Variants in MAP3K20 observed in about 807,000 individuals in gnomAD.
MAP3K20 encodes HCCS-4.
In MAP3K20, 40 loss-of-function variants were observed where a neutral mutation model predicts 85.7. That is an observed-to-expected ratio of 0.47 (90% CI 0.36 to 0.61). The LOEUF (loss-of-function observed/expected upper bound fraction) is 0.61, where lower values mean the gene tolerates loss of function less well. Among genes scored for constraint, MAP3K20 ranks in the 20% least tolerant of loss-of-function variants. MAP3K20 has a pLI of 0.00. For synonymous variants in MAP3K20, 325 were observed against 327.7 expected (o/e 0.99, Z 0.09); for missense variants, 817 against 961.7 (o/e 0.85, Z 1.99).
At chr2:173,130,285 G>A (rs1380330442) in intron 2 of MAP3K20, among the ~76,000 whole-genome samples, 2 of 152,058 alleles carry the variant, frequency 1.3e-5, no homozygotes, top group Non-Finnish European at 2.9e-5. Context: ...CAATTGTCTA[G>A]ACCCATATTT....
Position 173,258,681 on chromosome 2 carries a change from TTTTG to T in MAP3K20, c.1360-14_1360-11del, listed in dbSNP as rs780571603. ...TGTTTCACTTTCTCAAATTCTGTAA[TTTTG>T]TTTTTAATTCCAGGATTGTAAGTGG... On this transcript the variant is annotated splice_polypyrimidine_tract_variant and intron_variant, in intron 16 of 19. Transcript: ENST00000375213. 20 of 1,326,860 alleles carry T rather than the reference TTTTG, an allele frequency of 1.5e-5. No individual in the cohort carries two copies. The highest frequency in any genetic ancestry group is 7.3e-5 in the East Asian group (1 of 13,684). 82.2% of individuals were successfully genotyped at this position (1,326,860 alleles called of 1,614,324 possible).
At chr2:173,120,435 A>G (rs896206083) in intron 2 of MAP3K20, among the ~76,000 whole-genome samples, 2 of 151,838 alleles carry the variant, frequency 1.3e-5, no homozygotes, top group East Asian at 2.0e-4. Context: ...CAACAACCCA[A>G]TATTCCCTTG....
At chr2:173,226,225 C>T in intron 11 of MAP3K20, 4 of 985,344 alleles carry the variant, frequency 4.1e-6, no homozygotes, top group Non-Finnish European at 4.8e-6. Context: ...CCAGAATGAC[C>T]TCCCAGAATT....
intron 11 of MAP3K20, among the ~76,000 whole-genome samples, chr2:173,219,716 G>A (rs1050326709): frequency 6.6e-6 from 1 of 152,124 alleles, no homozygotes; most frequent in Non-Finnish European, 1.5e-5. Context: ...CTCCAGGAGG[G>A]TTTTTCCCAA....
intron 2 of MAP3K20, among the ~76,000 whole-genome samples, chr2:173,092,007 A>G (rs987758292): frequency 6.6e-6 from 1 of 152,236 alleles, no homozygotes; most frequent in Non-Finnish European, 1.5e-5. Context: ...ATTGTTCAAT[A>G]TCTTTTTAAA....
At chr2:173,159,348 T>TCTTTCTTTCTTTC (rs60237112) in intron 2 of MAP3K20, among the ~76,000 whole-genome samples, 126,478 of 147,714 alleles carry the variant, frequency 0.86, 55,559 homozygotes, top group Non-Finnish European at 0.95. Flanking sequence ...TGTATTTTAC[T>TCTTTCTTTCTTTC]CTTTCTTTCT....
At chr2:173,257,542 A>G (rs1685188347) in intron 16 of MAP3K20, among the ~76,000 whole-genome samples, 1 of 152,180 alleles carries the variant, frequency 6.6e-6, no homozygotes, top group Admixed American at 6.5e-5. Flanking sequence ...TTCTATGCAT[A>G]TATCACAGTT....
chr2:173,249,480 G>T (rs1239184249), intron 16 of MAP3K20, among the ~76,000 whole-genome samples: 4 of 152,192 alleles, frequency 2.6e-5, no homozygotes, highest in South Asian at 4.1e-4. Context: ...TACTAACTAG[G>T]TTAGTGTTTC....
At chr2:173,157,959 C>T (rs77893164) in intron 2 of MAP3K20, among the ~76,000 whole-genome samples, 2,303 of 152,178 alleles carry the variant, frequency 0.015, 70 homozygotes, top group African/African-American at 0.053. Flanking sequence ...TTTCCTTGTT[C>T]GTTTTATTCT....
chr2:173,214,626 AC>A (rs1684014965), intron 10 of MAP3K20: 1 of 152,300 alleles, frequency 6.6e-6, no homozygotes, highest in Non-Finnish European at 1.5e-5. Flanking sequence ...TTACAAATTG[AC>A]CTTTTATTTC....
At chr2:173,228,938 G>A (rs954839330) in intron 11 of MAP3K20, among the ~76,000 whole-genome samples, 1 of 152,212 alleles carries the variant, frequency 6.6e-6, no homozygotes, top group Admixed American at 6.5e-5. Context: ...GCTAATAGCT[G>A]TACCAAACTC....
At chr2:173,079,152 T>C (rs6433395) in intron 1 of MAP3K20, among the ~76,000 whole-genome samples, 49,948 of 152,162 alleles carry the variant, frequency 0.33, 9,102 homozygotes, top group Non-Finnish European at 0.41. Context: ...TGTGAGATAG[T>C]CCGTTGCTCC....
At chr2:173,258,903 G>T in intron 17 of MAP3K20, 88 bp downstream of exon 17, 1 of 822,536 alleles carries the variant, frequency 1.2e-6, no homozygotes, top group Non-Finnish European at 2.0e-6. Flanking sequence ...GTGCTTTTGT[G>T]CTTGTCCATG....
intron 9 of MAP3K20, among the ~76,000 whole-genome samples, chr2:173,204,841 C>T (rs1030472294): frequency 3.3e-5 from 5 of 152,100 alleles, no homozygotes; most frequent in Admixed American, 2.6e-4. Context: ...CGGTGGCTCA[C>T]GCCTGTAATC....
intron 10 of MAP3K20, chr2:173,212,330 A>G (rs1202259020): frequency 6.6e-6 from 1 of 152,080 alleles, no homozygotes; most frequent in Non-Finnish European, 1.5e-5. Context: ...AAACTATCGC[A>G]TTTCTATTTT....
At chr2:173,258,002 T>C (rs978068168) in intron 16 of MAP3K20, among the ~76,000 whole-genome samples, 3 of 152,212 alleles carry the variant, frequency 2.0e-5, no homozygotes, top group Non-Finnish European at 4.4e-5. Flanking sequence ...AGGATCCTAA[T>C]TCTCAGCTGT....
At chr2:173,181,860 G>A (rs1690338893) in intron 3 of MAP3K20, among the ~76,000 whole-genome samples, 1 of 140,202 alleles carries the variant, frequency 7.1e-6, no homozygotes, top group African/African-American at 2.7e-5. Context: ...ATTACCCTAA[G>A]CAACACAGCA....
At chr2:173,212,300 T>TA (rs1232015714) in intron 10 of MAP3K20, 2 of 152,092 alleles carry the variant, frequency 1.3e-5, no homozygotes, top group African/African-American at 4.8e-5. Context: ...TGTCCAATGT[T>TA]AAACTATTAA....
chr2:173,216,945 C>T (rs1377167792), intron 10 of MAP3K20, among the ~76,000 whole-genome samples, 170 bp from the exon 11 acceptor site: 1 of 152,216 alleles, frequency 6.6e-6, no homozygotes, highest in Non-Finnish European at 1.5e-5. Context: ...AAGCTAGAAA[C>T]TACCCTTGAT....
Sources: gnomAD v4.1 joint callset for allele counts (sites outside exome capture counted in the v4.1 genomes callset) on GRCh38, gnomAD v4.1.1 for gene constraint, MANE v1.5 for transcripts, NCBI Gene and HGNC (gene_info 2026-07-23, HGNC 2026-07-21) for gene names.